The following PEX7 variants were observed in gnomAD, a reference collection of about 807,000 sequenced individuals.
The protein encoded by PEX7 is peroxisomal biogenesis factor 7.
In PEX7, 34 loss-of-function variants were observed where a neutral mutation model predicts 47.5. The ratio of observed to expected loss-of-function variants is 0.72; its 90% CI spans 0.54 to 0.95. PEX7 has a LOEUF of 0.95. Among genes scored for constraint, PEX7 ranks in the 40% least tolerant of loss-of-function variants. The pLI is 0.00. For missense variants in PEX7, 394 were observed against 400.3 expected (o/e 0.98, Z 0.13); for synonymous variants, 141 against 148.8 (o/e 0.95, Z 0.38).
At chr6:136,893,192 C>CT (rs755460730) in intron 8 of PEX7, among the ~76,000 whole-genome samples, 20 of 150,578 alleles carry the variant, frequency 1.3e-4, no homozygotes, top group East Asian at 1.2e-3. Flanking sequence ...CCTTCAGTGG[C>CT]TTTTTTTTTC....
intron 8 of PEX7, among the ~76,000 whole-genome samples, chr6:136,884,075 A>G (rs1339376036): frequency 6.6e-6 from 1 of 152,192 alleles, no homozygotes; most frequent in African/African-American, 2.4e-5. Flanking sequence ...AAATAAATAG[A>G]AAAGGAAGCC....
chr6:136,864,945 A>G (rs887533739), intron 5 of PEX7, among the ~76,000 whole-genome samples: 1 of 152,168 alleles, frequency 6.6e-6, no homozygotes, highest in African/African-American at 2.4e-5. Flanking sequence ...TTTTCATTAC[A>G]TGGAACTGGT....
At chr6:136,855,839 G>C (rs1408819221) in intron 5 of PEX7, 1 of 256,656 alleles carries the variant, frequency 3.9e-6, no homozygotes, top group East Asian at 1.4e-4. Context: ...GTATTGATTT[G>C]TTTTTAATCA....
At chr6:136,882,024 C>T (rs1003037653) in intron 8 of PEX7, among the ~76,000 whole-genome samples, 33 of 152,040 alleles carry the variant, frequency 2.2e-4, no homozygotes, top group Non-Finnish European at 3.4e-4. Flanking sequence ...TCGTGTATAA[C>T]TTAGAGTCCA....
At chr6:136,824,610 A>G (rs1288304538) in intron 1 of PEX7, among the ~76,000 whole-genome samples, 1 of 152,268 alleles carries the variant, frequency 6.6e-6, no homozygotes, top group African/African-American at 2.4e-5. Flanking sequence ...CTTGGTCTCT[A>G]TAAAAAGTAA....
chr6:136,846,071 A>G lies in PEX7; in HGVS notation c.418-2A>G. The G allele has an allele frequency of 1.9e-6, 3 of 1,582,304 alleles. No homozygotes were observed. The highest frequency in any genetic ancestry group is 2.6e-6 in the Non-Finnish European group (3 of 1,151,244). On this transcript the variant is annotated splice_acceptor_variant, in intron 4 of 9. Transcript: ENST00000318471. LOFTEE classifies it high-confidence loss of function. The stretch of plus-strand genomic sequence containing the variant: ...GTAATTGATCTATTCATTTATTTGT[A>G]GTGGGATCCAACTGTTGGAAAGTCT...
At chr6:136,847,438 G>A (rs1429346865) in intron 5 of PEX7, among the ~76,000 whole-genome samples, 1 of 151,744 alleles carries the variant, frequency 6.6e-6, no homozygotes, top group Non-Finnish European at 1.5e-5. Flanking sequence ...GTCCTGAATG[G>A]TATTGCCTAG....
intron 7 of PEX7, 69 bp from the exon 8 acceptor site, chr6:136,872,129 T>G (rs776784918): frequency 2.4e-6 from 3 of 1,253,472 alleles, no homozygotes; most frequent in Non-Finnish European, 3.4e-6. Context: ...TATGGAATGA[T>G]CATAGAAAGC....
At position 136,897,795 on chromosome 6, in the gene PEX7, A is replaced by G. The variant is rs544901457; in HGVS notation, c.804-347A>G. The stretch of plus-strand genomic sequence containing the variant: ...TTTATAGCCATGAATGCTTTTAGAA[A>G]TTGCTACAAAAGCATACTATCATCT... On this transcript the variant is annotated intron_variant, in intron 8 of 9. Transcript: ENST00000318471. Among the ~76,000 whole-genome samples, 73 of 152,298 alleles carry G rather than the reference A, an allele frequency of 4.8e-4. 2 individuals are homozygous for G. Among genetic ancestry groups the G allele is most frequent in the African/African-American group, 1.8e-3 (73 of 41,580 alleles).
rs888750433 is a variant in PEX7, at chr6:136,823,307, G to T, written c.130+512G>T. 3.0e-6 allele frequency: 3 copies of T among 985,416 alleles called. No individual in the cohort carries two copies. The East Asian group carries it at 3.4e-4, about 112-fold the overall frequency. 61.0% of individuals were successfully genotyped at this position (985,416 alleles called of 1,614,324 possible). A position where few individuals can be genotyped will look rare whatever the true frequency, so the allele number is the denominator to read the frequency against. On this transcript the variant is annotated intron_variant, in intron 1 of 9. Transcript: ENST00000318471. ...CCTGAATGGACGCCTGGAGTCCCAC[G>T]GGTGACACCATGAAATATATCAAGT...
At chr6:136,849,400 G>T (rs1774694124) in intron 5 of PEX7, among the ~76,000 whole-genome samples, 1 of 152,038 alleles carries the variant, frequency 6.6e-6, no homozygotes, top group Non-Finnish European at 1.5e-5. Context: ...GCTAGCTTTT[G>T]AATGTGTTTG....
At chr6:136,901,890 A>G (rs1391847462) in intron 9 of PEX7, among the ~76,000 whole-genome samples, 1 of 152,058 alleles carries the variant, frequency 6.6e-6, no homozygotes, top group Non-Finnish European at 1.5e-5. Context: ...GGTTCAAGCA[A>G]TTCTCCTGCC....
At chr6:136,827,234 A>G (rs1426935003) in intron 3 of PEX7, among the ~76,000 whole-genome samples, 1 of 152,214 alleles carries the variant, frequency 6.6e-6, no homozygotes, top group African/African-American at 2.4e-5. Flanking sequence ...AAGATTAGTT[A>G]TGTGAGGGGT....
intron 3 of PEX7, among the ~76,000 whole-genome samples, chr6:136,838,144 A>T (rs1018775958): frequency 6.6e-6 from 1 of 152,228 alleles, no homozygotes; most frequent in Admixed American, 6.5e-5. Context: ...GATCATGTGG[A>T]TGCTAAAACC....
intron 3 of PEX7, among the ~76,000 whole-genome samples, chr6:136,834,108 A>C (rs116473119): frequency 0.012 from 1,753 of 152,354 alleles, 44 homozygotes; most frequent in African/African-American, 0.04. Context: ...GGACTGCCAC[A>C]GAAGAGTTGC....
intron 8 of PEX7, among the ~76,000 whole-genome samples, chr6:136,892,183 C>T (rs1279681811): frequency 6.6e-6 from 1 of 152,140 alleles, no homozygotes; most frequent in East Asian, 1.9e-4. Flanking sequence ...TATTCTGGCT[C>T]ATAATTTCCT....
chr6:136,837,361 C>CAAAAAAAAAA lies in PEX7; in HGVS notation c.340-8249_340-8240dup, dbSNP rs58922622. On this transcript the variant is annotated intron_variant, in intron 3 of 9. Transcript: ENST00000318471. ...TGGGCGACAGAGTGAGAGTCTGTCA[C>CAAAAAAAAAA]AAAAAAAAAAAAAAGAAACTGAAAG... 2.9e-4 allele frequency among the ~76,000 whole-genome samples: 24 copies of CAAAAAAAAAA among 83,456 alleles called. 1 individual carries two copies. The highest frequency in any genetic ancestry group is 6.1e-4 in the African/African-American group (13 of 21,248). 54.8% of individuals were successfully genotyped at this position (83,456 alleles called of 152,430 possible). A position where few individuals can be genotyped will look rare whatever the true frequency, so the allele number is the denominator to read the frequency against.
Position 136,822,786 on chromosome 6 carries a change from G to T in PEX7, c.121G>T (p.Gly41Cys), listed in dbSNP as rs1210968366. Residue 41 changes from glycine (G) to cysteine (C), a missense_variant, in exon 1 of 10, where the codon GGC (glycine) becomes TGC (cysteine). By Grantham distance (159) the Gly-to-Cys change is radical. Coordinates refer to ENST00000318471, the MANE Select transcript of PEX7 (RefSeq NM_000288.4). ...GGCCTGCGCCACCGCGCAGCACTACGGCATCGCGGGTGAGGCGGCGCCGCG... is the reference window on the plus strand; with the variant it reads ...GGCCTGCGCCACCGCGCAGCACTACTGCATCGCGGGTGAGGCGGCGCCGCG... The part of the protein sequence containing the change: ...RLACATAQHY[G>C]IAGCGTLLIL... 15 of 1,344,426 alleles carry T rather than the reference G, an allele frequency of 1.1e-5. No homozygotes were observed. Among genetic ancestry groups the T allele is most frequent in the Non-Finnish European group, 1.4e-5 (15 of 1,053,244 alleles). The allele number at this position is 1,344,426 out of a possible 1,614,324, so 83.3% of individuals were successfully genotyped here. A position where few individuals can be genotyped will look rare whatever the true frequency, so the allele number is the denominator to read the frequency against.
intron 5 of PEX7, among the ~76,000 whole-genome samples, chr6:136,848,456 T>G (rs1285182983): frequency 6.6e-6 from 1 of 152,188 alleles, no homozygotes; most frequent in Non-Finnish European, 1.5e-5. Context: ...TTTTACCCAT[T>G]CAGTAAATAT....
Sources: allele counts gnomAD v4.1 joint callset (sites outside exome capture counted in the v4.1 genomes callset), GRCh38; gene constraint gnomAD v4.1.1; transcripts MANE v1.5; gene names NCBI Gene and HGNC (gene_info 2026-07-23, HGNC 2026-07-21).